C12orf42: variants seen among roughly 807,000 people sequenced by gnomAD.
C12orf42 encodes chromosome 12 open reading frame 42.
A neutral mutation model predicts 21.6 loss-of-function variants in C12orf42; 25 were observed. That is an observed-to-expected ratio of 1.16 (90% CI 0.84 to 1.62). The LOEUF (loss-of-function observed/expected upper bound fraction) is 1.62, where lower values mean the gene tolerates loss of function less well. C12orf42 is among the 40% of genes most tolerant of loss of function. The probability of loss-of-function intolerance (pLI) is 0.00; values close to 1 mark genes in which losing one functional copy is unlikely to be tolerated. For synonymous variants in C12orf42, 174 were observed against 175.0 expected, an observed-to-expected ratio of 0.99 and a Z score of 0.05; for missense variants, 483 against 459.3, an observed-to-expected ratio of 1.05 and a Z score of -0.47.
chr12:103,054,142 T>C, the C12orf42 span, among the ~76,000 whole-genome samples: 1 of 151,878 alleles, frequency 6.6e-6, no homozygotes, highest in Non-Finnish European at 1.5e-5. Flanking sequence ...GGGATTTTGA[T>C]AGTGATTGCA....
At chr12:103,467,359 C>T (rs1592938227) in intron 2 of C12orf42, among the ~76,000 whole-genome samples, 1 of 152,060 alleles carries the variant, frequency 6.6e-6, no homozygotes, top group South Asian at 2.1e-4. Context: ...GGTATTTGCT[C>T]CAGAGACCCC....
At chr12:103,370,544 C>A (rs145797881) in intron 3 of C12orf42, among the ~76,000 whole-genome samples, 2 of 152,186 alleles carry the variant, frequency 1.3e-5, no homozygotes, top group African/African-American at 2.4e-5. Context: ...GAATACTATG[C>A]AGCCATAAAA....
At chr12:103,283,975 C>A (rs2036286221) in intron 4 of C12orf42, among the ~76,000 whole-genome samples, 1 of 152,138 alleles carries the variant, frequency 6.6e-6, no homozygotes, top group Non-Finnish European at 1.5e-5. Context: ...GAAAAAATAG[C>A]ATGAAAGCAC....
At chr12:103,157,332 CT>C in the C12orf42 span, among the ~76,000 whole-genome samples, 1 of 150,670 alleles carries the variant, frequency 6.6e-6, no homozygotes, top group Non-Finnish European at 1.5e-5. Context: ...TTGTTTTTTT[CT>C]TTTAAATATG....
At chr12:103,487,205 G>A (rs1286873370) in intron 1 of C12orf42, among the ~76,000 whole-genome samples, 5 of 152,158 alleles carry the variant, frequency 3.3e-5, no homozygotes, top group Non-Finnish European at 7.4e-5. Context: ...CCTTCATTTC[G>A]TTATTTACCC....
intron 4 of C12orf42, among the ~76,000 whole-genome samples, chr12:103,318,289 A>T (rs11111523): frequency 0.13 from 19,281 of 152,148 alleles, 1,454 homozygotes; most frequent in African/African-American, 0.22. Context: ...ATCTCAAAAA[A>T]AAACAAAAAA....
chr12:103,558,071 G>C, the C12orf42 span: 2 of 151,996 alleles, frequency 1.3e-5, no homozygotes, highest in East Asian at 1.9e-4. Context: ...ATATGTTTTA[G>C]ATCAGTCCTC....
the C12orf42 span, among the ~76,000 whole-genome samples, chr12:103,517,179 ATTGGTTT>A: frequency 1.9e-4 from 29 of 152,046 alleles, no homozygotes; most frequent in African/African-American, 4.6e-4. Context: ...TTTTTTGTGT[ATTGGTTT>A]TTGGTTTTTG....
chr12:103,369,043 T>C (rs1566171422), intron 3 of C12orf42, 45 bp from the exon 4 acceptor site: 3 of 1,037,500 alleles, frequency 2.9e-6, no homozygotes, highest in Non-Finnish European at 4.3e-6. Context: ...ATTAGGTCAA[T>C]GGCTCCAGAA....
At chr12:103,121,387 T>G in the C12orf42 span, among the ~76,000 whole-genome samples, 15 of 152,196 alleles carry the variant, frequency 9.9e-5, no homozygotes, top group South Asian at 1.2e-3. Context: ...TCCTTGGGGC[T>G]TTGGAGTGAG....
chr12:103,548,561 T>G, the C12orf42 span: 1 of 152,330 alleles, frequency 6.6e-6, no homozygotes, highest in East Asian at 1.9e-4. Context: ...TTATGAACTA[T>G]GAACAGAATA....
chr12:103,555,116 T>C, the C12orf42 span, among the ~76,000 whole-genome samples: 1 of 152,140 alleles, frequency 6.6e-6, no homozygotes. Context: ...AAAGCACGGG[T>C]TCCTGGGTCC....
downstream of C12orf42, chr12:103,267,473 G>A (rs2035227369): frequency 6.6e-6 from 1 of 151,830 alleles, no homozygotes; most frequent in Non-Finnish European, 1.5e-5. Context: ...GTATAAATGT[G>A]AAATTACACA....
intron 10 of C12orf42, among the ~76,000 whole-genome samples, chr12:103,257,792 C>A (rs1020385001): frequency 1.3e-5 from 2 of 151,376 alleles, no homozygotes; most frequent in Non-Finnish European, 3.0e-5. Flanking sequence ...AAGAAGAGAA[C>A]AAAATTATAA....
the C12orf42 span, among the ~76,000 whole-genome samples, chr12:103,076,246 A>G: frequency 6.6e-6 from 1 of 152,044 alleles, no homozygotes; most frequent in Non-Finnish European, 1.5e-5. Flanking sequence ...AATAATAATA[A>G]TAAAGAAATC....
At chr12:103,085,615 G>C in the C12orf42 span, among the ~76,000 whole-genome samples, 1 of 151,886 alleles carries the variant, frequency 6.6e-6, no homozygotes, top group Non-Finnish European at 1.5e-5. Context: ...AGAAAAAGGA[G>C]TGTAATGAAG....
the C12orf42 span, among the ~76,000 whole-genome samples, chr12:103,125,326 C>A: frequency 3.3e-5 from 5 of 152,154 alleles, no homozygotes; most frequent in Middle Eastern, 3.4e-3. Flanking sequence ...ACTAAAAAAA[C>A]CAAAATATTG....
At chr12:103,276,228 C>G (rs879804585) in intron 5 of C12orf42, among the ~76,000 whole-genome samples, 6 of 152,088 alleles carry the variant, frequency 3.9e-5, no homozygotes, top group African/African-American at 1.2e-4. Context: ...AGTTCTGTAA[C>G]ATGTTAATAA....
intron 10 of C12orf42, among the ~76,000 whole-genome samples, chr12:103,245,320 G>A (rs1335126953): frequency 6.6e-6 from 1 of 152,008 alleles, no homozygotes; most frequent in African/African-American, 2.4e-5. Context: ...TCTCTTACCT[G>A]TACAATGGTA....
Sources: allele counts gnomAD v4.1 joint callset (sites outside exome capture counted in the v4.1 genomes callset), GRCh38; gene constraint gnomAD v4.1.1; transcripts MANE v1.5; gene names NCBI Gene and HGNC (gene_info 2026-07-23, HGNC 2026-07-21).